CBFB: variants seen among roughly 807,000 people sequenced by gnomAD.
CBFB encodes the protein CBF-beta.
A neutral mutation model predicts 30.4 loss-of-function variants in CBFB; 9 were observed. The observed-to-expected ratio is 0.30, with a 90% confidence interval of 0.18 to 0.52. CBFB has a LOEUF of 0.52. CBFB is among the 20% of genes least tolerant of loss of function. The pLI, the probability that CBFB is intolerant of heterozygous loss-of-function variation, is 0.97. For synonymous variants in CBFB, 94 were observed against 84.0 expected, an observed-to-expected ratio of 1.12 and a Z score of -0.65; for missense variants, 170 against 244.0, an observed-to-expected ratio of 0.70 and a Z score of 2.02.
At chr16:67,055,800 A>G (rs1030502106) in intron 3 of CBFB, among the ~76,000 whole-genome samples, 1 of 152,214 alleles carries the variant, frequency 6.6e-6, no homozygotes, top group Non-Finnish European at 1.5e-5. Flanking sequence ...ACAAGATTGA[A>G]TGACTGTAGA....
intron 3 of CBFB, among the ~76,000 whole-genome samples, chr16:67,060,113 G>T (rs1431184415): frequency 2.6e-5 from 4 of 151,932 alleles, no homozygotes; most frequent in Middle Eastern, 3.4e-3. Context: ...GAGTAGCGGG[G>T]ACTGCATTTG....
intron 3 of CBFB, among the ~76,000 whole-genome samples, chr16:67,057,375 C>A (rs1960761182): frequency 6.6e-6 from 1 of 152,180 alleles, no homozygotes; most frequent in African/African-American, 2.4e-5. Context: ...TGATCATTTA[C>A]CATTATTTAC....
chr16:67,030,057 C>T (rs769696100), intron 2 of CBFB: 105 of 441,048 alleles, frequency 2.4e-4, no homozygotes, highest in Non-Finnish European at 3.3e-4. Context: ...GAGTGGAGCT[C>T]GAACCCGAGC....
chr16:67,029,926 G>T, intron 2 of CBFB, 113 bp downstream of exon 2: 1 of 599,772 alleles, frequency 1.7e-6, no homozygotes, highest in South Asian at 3.0e-5. Context: ...CTGAGTGGGC[G>T]CCGTCTCACT....
chr16:67,056,625 G>T (rs1960732067), intron 3 of CBFB, among the ~76,000 whole-genome samples: 1 of 151,502 alleles, frequency 6.6e-6, no homozygotes, highest in Non-Finnish European at 1.5e-5. Flanking sequence ...GTTTTTGGTG[G>T]TGAGGGATGC....
At chr16:67,030,516 C>T (rs1445267254) in intron 2 of CBFB, among the ~76,000 whole-genome samples, 1 of 151,892 alleles carries the variant, frequency 6.6e-6, no homozygotes, top group Non-Finnish European at 1.5e-5. Context: ...ATCCAAGGGT[C>T]CTAGTTCCTC....
intron 5 of CBFB, among the ~76,000 whole-genome samples, chr16:67,091,277 T>G (rs1161387646): frequency 6.6e-6 from 1 of 152,270 alleles, no homozygotes; most frequent in Non-Finnish European, 1.5e-5. Flanking sequence ...CTAAAAATTA[T>G]TCTATCTGCA....
intron 3 of CBFB, among the ~76,000 whole-genome samples, chr16:67,045,385 C>G (rs1966606481): frequency 6.6e-6 from 1 of 151,986 alleles, no homozygotes; most frequent in Non-Finnish European, 1.5e-5. Flanking sequence ...GGTATGCTGG[C>G]ATGTGCCTGT....
intron 5 of CBFB, among the ~76,000 whole-genome samples, chr16:67,083,058 AGCTT>A (rs1961614169): frequency 6.6e-6 from 1 of 152,184 alleles, no homozygotes; most frequent in East Asian, 1.9e-4. Flanking sequence ...ACATGCCTGT[AGCTT>A]TAGTCACTTG....
intron 3 of CBFB, among the ~76,000 whole-genome samples, chr16:67,042,312 C>T (rs879335624): frequency 1.3e-5 from 2 of 152,138 alleles, no homozygotes; most frequent in African/African-American, 4.8e-5. Flanking sequence ...TTTGCCACCA[C>T]ATCTGGCTAA....
intron 3 of CBFB, among the ~76,000 whole-genome samples, chr16:67,041,570 C>G (rs1193679546): frequency 6.6e-6 from 1 of 151,930 alleles, no homozygotes; most frequent in Non-Finnish European, 1.5e-5. Context: ...CCACTGCACT[C>G]CAGCCTGGGC....
intron 5 of CBFB, 53 bp from the exon 6 acceptor site, chr16:67,098,657 A>G (rs1962127180): frequency 9.4e-7 from 1 of 1,066,616 alleles, no homozygotes; most frequent in African/African-American, 1.6e-5. Flanking sequence ...TATATCTAGT[A>G]TTTTGATTGT....
intron 2 of CBFB, 22 bp from the exon 3 acceptor site, chr16:67,036,617 T>G: frequency 1.5e-6 from 2 of 1,319,456 alleles, no homozygotes; most frequent in Non-Finnish European, 2.2e-6. Flanking sequence ...CCTGATCCTG[T>G]TTGTATTGAT....
At chr16:67,054,306 G>T (rs1960650162) in intron 3 of CBFB, among the ~76,000 whole-genome samples, 1 of 152,018 alleles carries the variant, frequency 6.6e-6, no homozygotes, top group South Asian at 2.1e-4. Flanking sequence ...CGTTAAGAAG[G>T]CCTTGTTTCA....
intron 2 of CBFB, chr16:67,030,057 C>G: frequency 2.3e-6 from 1 of 441,166 alleles, no homozygotes; most frequent in Non-Finnish European, 4.0e-6. Context: ...GAGTGGAGCT[C>G]GAACCCGAGC....
chr16:67,058,128 G>GGTT (rs59958780), intron 3 of CBFB, among the ~76,000 whole-genome samples: 3,643 of 151,434 alleles, frequency 0.024, 48 homozygotes, highest in Middle Eastern at 0.041. Flanking sequence ...TATTCAAATC[G>GGTT]GTTGTTGTTG....
chr16:67,032,188 A>G (rs1567602266), intron 2 of CBFB, among the ~76,000 whole-genome samples: 1 of 152,166 alleles, frequency 6.6e-6, no homozygotes, highest in Non-Finnish European at 1.5e-5. Context: ...ATTTATTTCC[A>G]GGATGAATTA....
At chr16:67,049,435 C>G (rs1365869509) in intron 3 of CBFB, among the ~76,000 whole-genome samples, 1 of 151,816 alleles carries the variant, frequency 6.6e-6, no homozygotes, top group East Asian at 1.9e-4. Flanking sequence ...CTCCTGACCT[C>G]AGGTGATCTG....
intron 2 of CBFB, 128 bp from the exon 3 acceptor site, chr16:67,036,511 T>G: frequency 1.7e-6 from 1 of 595,718 alleles, no homozygotes; most frequent in South Asian, 2.4e-5. Flanking sequence ...GTGCATGTTT[T>G]TTTTTACTTT....
Sources: gnomAD v4.1 joint callset for allele counts (sites outside exome capture counted in the v4.1 genomes callset) on GRCh38, gnomAD v4.1.1 for gene constraint, MANE v1.5 for transcripts, NCBI Gene and HGNC (gene_info 2026-07-23, HGNC 2026-07-21) for gene names.